Variants in ADCY3 observed in about 807,000 individuals in gnomAD.
The protein encoded by ADCY3 is adenylate cyclase 3, also known as adenylate cyclase type 3.
In ADCY3, 70 loss-of-function variants were observed where a neutral mutation model predicts 119.4. That is an observed-to-expected ratio of 0.59 (90% CI 0.48 to 0.72). The LOEUF (loss-of-function observed/expected upper bound fraction) is 0.72. Ranked by LOEUF, ADCY3 falls within the 30% of genes least tolerant of loss-of-function variation. The pLI is 0.00. For missense variants in ADCY3, 1,238 were observed against 1,541.6 expected (o/e 0.80, Z 3.30); for synonymous variants, 672 against 621.4 (o/e 1.08, Z -1.21).
At chr2:24,901,479 G>A (rs6545806) in intron 2 of ADCY3, among the ~76,000 whole-genome samples, 80,835 of 151,840 alleles carry the variant, frequency 0.53, 24,089 homozygotes, top group African/African-American at 0.82. Context: ...TAAGTAGCTA[G>A]AAGAAATTGC....
intron 2 of ADCY3, among the ~76,000 whole-genome samples, chr2:24,880,567 A>G (rs911988494): frequency 6.6e-5 from 10 of 152,246 alleles, no homozygotes; most frequent in African/African-American, 2.4e-4. Context: ...AGCAGAAATA[A>G]TATTTCAAAT....
At chr2:24,884,897 C>T (rs544664305) in intron 2 of ADCY3, among the ~76,000 whole-genome samples, 1 of 152,272 alleles carries the variant, frequency 6.6e-6, no homozygotes, top group Non-Finnish European at 1.5e-5. Context: ...CCACCCACGG[C>T]GGTGCTTTCC....
intron 8 of ADCY3, among the ~76,000 whole-genome samples, 196 bp downstream of exon 8, chr2:24,838,249 C>T (rs1670546350): frequency 6.6e-6 from 1 of 152,096 alleles, no homozygotes; most frequent in South Asian, 2.1e-4. Flanking sequence ...TGCAACCTGC[C>T]ATGAATTACA....
intron 21 of ADCY3, 136 bp downstream of exon 21, chr2:24,820,588 C>A: frequency 6.8e-7 from 1 of 1,473,968 alleles, no homozygotes; most frequent in East Asian, 2.3e-5. Context: ...AGATTCTTTT[C>A]CACTTGCCCC....
Position 24,875,995 on chromosome 2 carries a change from G to GC in ADCY3, c.676-3277_676-3276insG, listed in dbSNP as rs1292240828. Among the ~76,000 whole-genome samples, 5 of 151,628 alleles carry GC rather than the reference G, an allele frequency of 3.3e-5. No homozygotes were observed. In the South Asian group the frequency reaches 8.3e-4, roughly 25 times the overall value. On this transcript the variant is annotated intron_variant, in intron 2 of 21. Transcript: ENST00000679454. ...AGTGTGGACTTCTTTTTGGGAGGGG[G>GC]GCGGTGGTGCAGATAGAGACAGGGT...
At chr2:24,826,944 C>T (rs977254082) in intron 15 of ADCY3, among the ~76,000 whole-genome samples, 4 of 152,160 alleles carry the variant, frequency 2.6e-5, no homozygotes, top group Admixed American at 6.5e-5. Flanking sequence ...TGGACCGGTA[C>T]GTGTGTGATG....
intron 2 of ADCY3, among the ~76,000 whole-genome samples, chr2:24,902,205 C>T (rs1367166091): frequency 1.3e-5 from 2 of 151,572 alleles, no homozygotes; most frequent in Non-Finnish European, 2.9e-5. Context: ...CTCAGTCTCC[C>T]TAGTGTCTGG....
chr2:24,919,670 C>G lies in ADCY3; in HGVS notation c.-198+13G>C, dbSNP rs1341812284. 6.6e-6 allele frequency: 1 copy of G among 152,422 alleles called. No homozygotes were observed. The highest frequency in any genetic ancestry group is 1.5e-5 in the Non-Finnish European group (1 of 68,246). The allele number at this position is 152,422 out of a possible 1,614,324, so 9.4% of individuals were successfully genotyped here. ...CTTCCCCCCCGGAAGCCTGGCCCTG[C>G]CCCTGCGTTTACCTGTGCGGGAACT... On this transcript the variant is annotated intron_variant, in intron 1 of 21. Coordinates refer to ENST00000679454, the MANE Select transcript of ADCY3 (RefSeq NM_004036.5). The surrounding 1 kb of genome is among the most constrained non-coding windows in gnomAD (Gnocchi z 5.5).
In ADCY3 at chr2:24,862,718, G is replaced by GA. The variant is rs200372999; in HGVS notation, c.825+9851dup. The stretch of plus-strand genomic sequence containing the variant: ...GGTTTCATTTTAGCTCTATAAAAAA[G>GA]AAAAAAAAATGAAGCAAACCTGAGT... On this transcript the variant is annotated intron_variant, in intron 3 of 21. Coordinates refer to ENST00000679454, the MANE Select transcript of ADCY3 (RefSeq NM_004036.5). 9.4e-4 allele frequency among the ~76,000 whole-genome samples: 141 copies of GA among 149,294 alleles called. 2 individuals are homozygous for GA. Among genetic ancestry groups the GA allele is most frequent in the African/African-American group, 3.2e-3 (132 of 40,702 alleles).
At position 24,828,210 on chromosome 2, in the gene ADCY3, G is replaced by A. The variant is rs150566853; in HGVS notation, c.2173-49C>T. ...GGACACACGTTCAAGAGAACAGCAG[G>A]TGCTGGTCACAGAGGGCTGTGCATG... On this transcript the variant is annotated intron_variant, in intron 13 of 21. Coordinates refer to ENST00000679454, the MANE Select transcript of ADCY3 (RefSeq NM_004036.5). 259 of 1,601,196 alleles carry A rather than the reference G, an allele frequency of 1.6e-4. 1 individual carries two copies. In the African/African-American group the frequency reaches 2.8e-3, roughly 17 times the overall value.
In ADCY3 at chr2:24,914,382, T is replaced by G. The variant is rs527785459; in HGVS notation, c.675+3931A>C. Among the ~76,000 whole-genome samples the G allele has an allele frequency of 1.9e-3, 283 of 152,302 alleles. 1 individual carries two copies. The highest frequency in any genetic ancestry group is 6.6e-3 in the African/African-American group (275 of 41,576). On this transcript the variant is annotated intron_variant, in intron 2 of 21. Coordinates refer to ENST00000679454, the MANE Select transcript of ADCY3 (RefSeq NM_004036.5). ...GTTATCACCCATCTCTGTTTCGTCC[T>G]CTGTTCCCTCCTCTGGACAGCGGCT...
At chr2:24,879,087 C>G (rs950566379) in intron 2 of ADCY3, among the ~76,000 whole-genome samples, 4 of 152,164 alleles carry the variant, frequency 2.6e-5, no homozygotes, top group African/African-American at 9.7e-5. Flanking sequence ...CTGCACACGG[C>G]TGCCCGCAGG....
intron 2 of ADCY3, among the ~76,000 whole-genome samples, chr2:24,914,274 A>C (rs1287837243): frequency 6.6e-6 from 1 of 152,168 alleles, no homozygotes; most frequent in African/African-American, 2.4e-5. Context: ...CATGGAACAC[A>C]GACAAATGAG....
At chr2:24,870,081 C>A (rs1558478042) in intron 3 of ADCY3, among the ~76,000 whole-genome samples, 3 of 151,438 alleles carry the variant, frequency 2.0e-5, no homozygotes, top group Admixed American at 1.3e-4. Context: ...GAAGCCGAGG[C>A]GGGTGGATCA....
intron 2 of ADCY3, among the ~76,000 whole-genome samples, chr2:24,895,937 T>C (rs1436541476): frequency 6.6e-6 from 1 of 152,218 alleles, no homozygotes; most frequent in Non-Finnish European, 1.5e-5. Flanking sequence ...CTACTATTAA[T>C]CCTATCTACC....
chr2:24,841,428 G>A lies in ADCY3; in HGVS notation c.1069-42C>T, dbSNP rs1558438090. ...TGGCCTGTGCTCCAGCCCCTCCTCA[G>A]TGAGGGAGGAGTGGCCAAGAAAGCA... On this transcript the variant is annotated intron_variant, in intron 5 of 21. Coordinates refer to ENST00000679454, the MANE Select transcript of ADCY3 (RefSeq NM_004036.5). This position sits in a 1 kb window ranked among gnomAD's most constrained non-coding sequence, Gnocchi z 5.8. The A allele has an allele frequency of 6.2e-7, 1 of 1,605,672 alleles. No individual in the cohort carries two copies. Among genetic ancestry groups the A allele is most frequent in the Admixed American group, 1.7e-5 (1 of 58,850 alleles).
chr2:24,843,907 A>G (rs1208471492), intron 3 of ADCY3, among the ~76,000 whole-genome samples: 11 of 152,122 alleles, frequency 7.2e-5, no homozygotes, highest in Admixed American at 4.6e-4. Flanking sequence ...TCAAGAGGGG[A>G]GCACTGCCCC....
At position 24,841,729 on chromosome 2, in the gene ADCY3, G is replaced by A; in HGVS notation, c.957-62C>T. ...GCAGCCAGGTGTACCCGACCCCACT[G>A]CCAGCTCCCTCTCCAACCCACAGGG... On this transcript the variant is annotated intron_variant, in intron 4 of 21. Coordinates refer to ENST00000679454, the MANE Select transcript of ADCY3 (RefSeq NM_004036.5). The surrounding 1 kb of genome is among the most constrained non-coding windows in gnomAD (Gnocchi z 5.8). 7.7e-7 allele frequency: 1 copy of A among 1,296,814 alleles called. No individual in the cohort carries two copies. The highest frequency in any genetic ancestry group is 1.1e-6 in the Non-Finnish European group (1 of 903,906). 80.3% of individuals were successfully genotyped at this position (1,296,814 alleles called of 1,614,324 possible).
At chr2:24,839,242 AT>A (rs1670708497) in intron 7 of ADCY3, among the ~76,000 whole-genome samples, 2 of 152,148 alleles carry the variant, frequency 1.3e-5, no homozygotes, top group Admixed American at 1.3e-4. Context: ...AGATCCAATT[AT>A]CCCCCACCTT....
Sources: gnomAD v4.1 joint callset for allele counts (sites outside exome capture counted in the v4.1 genomes callset) on GRCh38, gnomAD v4.1.1 for gene constraint, Gnocchi (gnomAD v3.1) non-coding constraint, MANE v1.5 for transcripts, NCBI Gene and HGNC (gene_info 2026-07-23, HGNC 2026-07-21) for gene names.